The following SLC45A4 variants were observed in gnomAD, a reference collection of about 807,000 sequenced individuals.
The protein encoded by SLC45A4 is polyamine-transporter SLC45A4.
A neutral mutation model predicts 63.7 loss-of-function variants in SLC45A4; 32 were observed. The observed-to-expected ratio is 0.50, with a 90% CI of 0.38 to 0.67. The LOEUF is 0.67. SLC45A4 is among the 30% of genes least tolerant of loss of function. The pLI is 0.00. For missense variants in SLC45A4, 1,027 were observed against 1,157.7 expected (o/e 0.89, Z 1.64); for synonymous variants, 535 against 510.0 (o/e 1.05, Z -0.66).
At chr8:141,273,293 T>C (rs955597331) in intron 1 of SLC45A4, among the ~76,000 whole-genome samples, 2 of 152,216 alleles carry the variant, frequency 1.3e-5, no homozygotes, top group African/African-American at 2.4e-5. Context: ...GCTCAAGCAC[T>C]GACCTGGTGT....
At chr8:141,213,296 C>T (rs910173405) in intron 7 of SLC45A4, among the ~76,000 whole-genome samples, 5 of 152,184 alleles carry the variant, frequency 3.3e-5, no homozygotes, top group African/African-American at 9.7e-5. Flanking sequence ...TCTTTCCAAG[C>T]GTACACGGAA....
chr8:141,277,005 G>A (rs1034753310), intron 1 of SLC45A4, among the ~76,000 whole-genome samples: 5 of 152,198 alleles, frequency 3.3e-5, no homozygotes, highest in African/African-American at 7.2e-5. Context: ...ACAGGATGTC[G>A]CCTCCAGCAA....
chr8:141,251,441 C>T (rs1003290074), intron 2 of SLC45A4, among the ~76,000 whole-genome samples: 2 of 151,890 alleles, frequency 1.3e-5, no homozygotes, highest in East Asian at 3.9e-4. Context: ...TTTCTCGAAG[C>T]GCCCCCCCTG....
intron 1 of SLC45A4, among the ~76,000 whole-genome samples, chr8:141,295,290 C>G (rs1195418391): frequency 2.0e-5 from 3 of 152,164 alleles, no homozygotes; most frequent in Non-Finnish European, 2.9e-5. Context: ...CTGCCCCAGG[C>G]CCCTGAGAGA....
intron 2 of SLC45A4, among the ~76,000 whole-genome samples, chr8:141,223,243 C>T (rs568162982): frequency 1.3e-5 from 2 of 152,322 alleles, no homozygotes; most frequent in African/African-American, 4.8e-5. Flanking sequence ...ACATTTTATT[C>T]CTACTCGGAG....
chr8:141,252,421 G>A (rs191818802), intron 2 of SLC45A4: 418 of 157,208 alleles, frequency 2.7e-3, no homozygotes, highest in Non-Finnish European at 5.0e-3. Context: ...GTGTTTTCAC[G>A]CCCACCTGCG....
At position 141,212,541 on chromosome 8, in the gene SLC45A4, G is replaced by A. The variant is rs763722556; in HGVS notation, c.1957C>T (p.Pro653Ser). 3.1e-6 allele frequency: 5 copies of A among 1,606,916 alleles called. No homozygotes were observed. Among genetic ancestry groups the A allele is most frequent in the Admixed American group, 1.7e-5 (1 of 59,796 alleles). The change falls in exon 8 of 9, where the codon CCC becomes TCC. Residue 653 changes from proline to serine, a missense_variant. Physicochemically the swap from Pro to Ser is moderately conservative, Grantham distance 74 (BLOSUM62 -1). Transcript: ENST00000517878. ...CCAAACCCTCGCTTGGAGTTCCCGGGGCTGTGGTGGATGTACTGCAAGAGA... is the reference window on the plus strand; with the variant it reads ...CCAAACCCTCGCTTGGAGTTCCCGGAGCTGTGGTGGATGTACTGCAAGAGA... ...HDIKQYIHHS[P>S]GNSKRGFGID...
chr8:141,240,786 T>C (rs1827870548), intron 2 of SLC45A4, among the ~76,000 whole-genome samples: 1 of 152,162 alleles, frequency 6.6e-6, no homozygotes, highest in Non-Finnish European at 1.5e-5. Context: ...TGCCCGACAC[T>C]GTGATTGGAT....
rs146379501 is a variant in SLC45A4, at chr8:141,232,651, G to C, written c.242-10886C>G. ...CAGGTGAGCACTCACAAGCTGCAACGGGAACACAGACATTCAGTGGCTCCC... is the reference window on the plus strand; with the variant it reads ...CAGGTGAGCACTCACAAGCTGCAACCGGAACACAGACATTCAGTGGCTCCC... On this transcript the variant is annotated intron_variant, in intron 2 of 8. Coordinates refer to ENST00000517878, the MANE Select transcript of SLC45A4 (RefSeq NM_001286646.2). Among the ~76,000 whole-genome samples the C allele has an allele frequency of 2.7e-3, 410 of 150,358 alleles. 2 individuals are homozygous for C. The highest frequency in any genetic ancestry group is 9.7e-3 in the African/African-American group (395 of 40,778).
intron 6 of SLC45A4, 53 bp from the exon 7 acceptor site, chr8:141,216,023 C>A: frequency 3.3e-6 from 5 of 1,520,854 alleles, no homozygotes; most frequent in South Asian, 1.2e-5. Flanking sequence ...TGGCTCCTGT[C>A]GGGCTCCCTC....
At chr8:141,253,862 G>C in intron 2 of SLC45A4, 127 bp downstream of exon 2, 1 of 1,415,064 alleles carries the variant, frequency 7.1e-7, no homozygotes, top group Non-Finnish European at 9.3e-7. Flanking sequence ...AGGGAGAGGA[G>C]ACAAAGACTC....
chr8:141,304,579 GGAGA>G (rs1236776714), intron 1 of SLC45A4, among the ~76,000 whole-genome samples: 1 of 148,454 alleles, frequency 6.7e-6, no homozygotes, highest in South Asian at 2.2e-4. Context: ...AAAAAGGGGG[GGAGA>G]GAGAGAACTT....
intron 6 of SLC45A4, among the ~76,000 whole-genome samples, chr8:141,216,292 C>T (rs560381989): frequency 6.6e-6 from 1 of 152,384 alleles, no homozygotes; most frequent in African/African-American, 2.4e-5. Context: ...CAGTGGCCTT[C>T]TCTGGCCGTA....
At chr8:141,234,104 G>A (rs111655143) in intron 2 of SLC45A4, among the ~76,000 whole-genome samples, 3,565 of 152,314 alleles carry the variant, frequency 0.023, 60 homozygotes, top group Non-Finnish European at 0.03. Context: ...CCAACATCGG[G>A]GCCTGCATCG....
chr8:141,269,511 T>G (rs1829426927), intron 1 of SLC45A4, among the ~76,000 whole-genome samples: 2 of 151,458 alleles, frequency 1.3e-5, no homozygotes, highest in African/African-American at 4.9e-5. Context: ...GTGTCGCGTG[T>G]GTGTATCGAT....
intron 1 of SLC45A4, among the ~76,000 whole-genome samples, chr8:141,285,441 G>A (rs1025746558): frequency 6.6e-6 from 1 of 152,202 alleles, no homozygotes; most frequent in East Asian, 1.9e-4. Flanking sequence ...CACAGTGACC[G>A]GCCTTGCACT....
At position 141,296,784 on chromosome 8, in the gene SLC45A4, C is replaced by T. The variant is rs11988908; in HGVS notation, c.-401+11312G>A. 6.4e-4 allele frequency among the ~76,000 whole-genome samples: 86 copies of T among 133,614 alleles called. 1 individual carries two copies. Among genetic ancestry groups the T allele is most frequent in the African/African-American group, 2.3e-3 (82 of 35,328 alleles). 87.7% of individuals were successfully genotyped at this position (133,614 alleles called of 152,430 possible). On this transcript the variant is annotated intron_variant, in intron 1 of 8. Coordinates refer to ENST00000517878, the MANE Select transcript of SLC45A4 (RefSeq NM_001286646.2). ...CCACGAGGCAGAGGTTGCAGTGAGC[C>T]GAGATCATGCCACTATACTCCAGCC...
chr8:141,253,547 CA>C (rs1042556419), intron 2 of SLC45A4, among the ~76,000 whole-genome samples: 1 of 152,212 alleles, frequency 6.6e-6, no homozygotes, highest in Non-Finnish European at 1.5e-5. Flanking sequence ...TTTGCGAATG[CA>C]ATCACTTTAC....
chr8:141,246,655 G>A (rs772377122), intron 2 of SLC45A4, among the ~76,000 whole-genome samples: 7 of 152,224 alleles, frequency 4.6e-5, no homozygotes, highest in Non-Finnish European at 7.3e-5. Flanking sequence ...GAAGGTCACG[G>A]GGTCACACAG....
Sources: allele counts gnomAD v4.1 joint callset (sites outside exome capture counted in the v4.1 genomes callset), GRCh38; gene constraint gnomAD v4.1.1; transcripts MANE v1.5; gene names NCBI Gene and HGNC (gene_info 2026-07-23, HGNC 2026-07-21).